EEF1AKMT2: variants seen among roughly 807,000 people sequenced by gnomAD.
EEF1AKMT2 encodes the protein EEF1A lysine methyltransferase 2.
Under a neutral mutation model 35.8 loss-of-function variants are expected in EEF1AKMT2, and 32 were observed. The observed-to-expected ratio is 0.89, with a 90% confidence interval of 0.67 to 1.20. The LOEUF (loss-of-function observed/expected upper bound fraction) is 1.20, where lower values mean the gene tolerates loss of function less well. Ranked by LOEUF, EEF1AKMT2 falls within the 50% of genes most tolerant of loss-of-function variation. The pLI is 0.00. For missense variants in EEF1AKMT2, 330 were observed against 347.5 expected, an observed-to-expected ratio of 0.95 and a Z score of 0.40; for synonymous variants, 121 against 133.7, an observed-to-expected ratio of 0.91 and a Z score of 0.65.
At chr10:124,791,316 T>A (rs913506541) in intron 1 of EEF1AKMT2, among the ~76,000 whole-genome samples, 1 of 151,076 alleles carries the variant, frequency 6.6e-6, no homozygotes, top group Non-Finnish European at 1.5e-5. Context: ...AGCTCCCACA[T>A]CCCTCCCCTC....
intron 1 of EEF1AKMT2, 134 bp downstream of exon 1, chr10:124,791,590 C>G: frequency 6.2e-6 from 8 of 1,292,744 alleles, no homozygotes; most frequent in Non-Finnish European, 8.4e-6. Context: ...AGCCCCCCGC[C>G]AGGTGGCCCT....
chr10:124,779,221 C>T (rs890236466), intron 3 of EEF1AKMT2, among the ~76,000 whole-genome samples: 3 of 152,120 alleles, frequency 2.0e-5, no homozygotes, highest in Non-Finnish European at 1.5e-5. Context: ...GCCTCAACCT[C>T]CCCAGGCTCA....
At chr10:124,764,366 T>C (rs1950359218) in intron 5 of EEF1AKMT2, among the ~76,000 whole-genome samples, 1 of 150,296 alleles carries the variant, frequency 6.7e-6, no homozygotes, top group South Asian at 2.1e-4. Context: ...CAAATATCTG[T>C]AGATTCTCAA....
chr10:124,788,710 T>TTATATATGTATATATATATATATATA (rs1950608685), intron 3 of EEF1AKMT2, among the ~76,000 whole-genome samples: 1 of 92,506 alleles, frequency 1.1e-5, no homozygotes, highest in Non-Finnish European at 2.4e-5. Flanking sequence ...AAGGTCATCT[T>TTATATATGTATATATATATATATATA]TATATATATA....
At chr10:124,783,300 G>A (rs182168617) in intron 3 of EEF1AKMT2, among the ~76,000 whole-genome samples, 12 of 151,726 alleles carry the variant, frequency 7.9e-5, no homozygotes, top group Non-Finnish European at 5.9e-5. Flanking sequence ...ACACCACCAC[G>A]TCTGGCTAAT....
At chr10:124,781,246 T>C (rs1232210301) in intron 3 of EEF1AKMT2, among the ~76,000 whole-genome samples, 1 of 151,282 alleles carries the variant, frequency 6.6e-6, no homozygotes, top group Non-Finnish European at 1.5e-5. Flanking sequence ...GCCCAGCCCA[T>C]AACATTTTTA....
chr10:124,760,276 A>G lies in EEF1AKMT2; in HGVS notation c.*227T>C, dbSNP rs1950319340. 1 of 502,168 alleles carries G rather than the reference A, an allele frequency of 2.0e-6. No homozygotes were observed. Among genetic ancestry groups the G allele is most frequent in the South Asian group, 4.3e-5 (1 of 23,182 alleles). The allele number at this position is 502,168 out of a possible 1,614,324, so 31.1% of individuals were successfully genotyped here. On this transcript the variant is annotated 3_prime_UTR_variant, in exon 7 of 7. Coordinates refer to ENST00000368836, the MANE Select transcript of EEF1AKMT2 (RefSeq NM_212554.4). ...TCATTATTATTATTTTCTTTCACCA[A>G]TCCAGTATACTCTATTCAACATGTG...
intron 3 of EEF1AKMT2, among the ~76,000 whole-genome samples, chr10:124,787,433 CAAAAAA>C (rs398015024): frequency 5.3e-5 from 2 of 37,434 alleles, no homozygotes; most frequent in African/African-American, 1.4e-4. Flanking sequence ...GACTCTGTCT[CAAAAAA>C]AAAAAAAAAA....
rs1045618430 is a variant in EEF1AKMT2, at chr10:124,791,791, CCGCCACCGCAG to C, written c.32_42del (p.Ala11GlyfsTer29). ...CCGGGACTGCCCTTGTCCGACCGCG[CCGCCACCGCAG>C]CGCCACCGCCGCCGTCAGCGCCCGA... On this transcript the variant is annotated frameshift_variant, in exon 1 of 7. Transcript: ENST00000368836. LOFTEE classifies it high-confidence loss of function. 12 of 1,591,858 alleles carry C rather than the reference CCGCCACCGCAG, an allele frequency of 7.5e-6. No individual in the cohort carries two copies. The highest frequency in any genetic ancestry group is 1.3e-5 in the African/African-American group (1 of 74,518).
chr10:124,770,623 T>C (rs906381941), intron 4 of EEF1AKMT2, among the ~76,000 whole-genome samples: 1 of 152,234 alleles, frequency 6.6e-6, no homozygotes, highest in African/African-American at 2.4e-5. Flanking sequence ...CGACTGATTC[T>C]TCCTTTTATG....
chr10:124,779,747 C>CAAAAAAAAAAA (rs34475748), intron 3 of EEF1AKMT2, among the ~76,000 whole-genome samples: 7 of 28,186 alleles, frequency 2.5e-4, no homozygotes, highest in Admixed American at 7.4e-4. Flanking sequence ...GACTCCATCT[C>CAAAAAAAAAAA]AAAAAAAAAA....
intron 3 of EEF1AKMT2, among the ~76,000 whole-genome samples, chr10:124,776,720 G>A (rs960578446): frequency 1.4e-4 from 21 of 151,794 alleles, no homozygotes; most frequent in Admixed American, 5.3e-4. Flanking sequence ...GCTTGAACCC[G>A]GGAGGTGGAG....
chr10:124,791,610 A>C, intron 1 of EEF1AKMT2, 114 bp downstream of exon 1: 3 of 1,454,058 alleles, frequency 2.1e-6, no homozygotes, highest in Non-Finnish European at 2.8e-6. Flanking sequence ...TGCTCCCGTC[A>C]CGCCCCCGAG....
Position 124,791,773 on chromosome 10 carries a change from T to C in EEF1AKMT2, c.61A>G (p.Ser21Gly), listed in dbSNP as rs1045477950. The change falls in exon 1 of 7, where the codon AGT becomes GGT. Residue 21 changes from serine to glycine, a missense_variant. By Grantham distance (56) the Ser-to-Gly change is moderately conservative (BLOSUM62 0). Transcript: ENST00000368836. Reference protein sequence around the residue: ...AAVAARSDKGSPGEDGFVPSA... With the variant: ...AAVAARSDKGGPGEDGFVPSA... ...GGGACGAAACCGTCCTCCCCGGGAC[T>C]GCCCTTGTCCGACCGCGCCGCCACC... 2.5e-6 allele frequency: 4 copies of C among 1,595,636 alleles called. No homozygotes were observed. The highest frequency in any genetic ancestry group is 2.7e-5 in the African/African-American group (2 of 74,638).
At chr10:124,775,380 T>C (rs1950479692) in intron 3 of EEF1AKMT2, among the ~76,000 whole-genome samples, 1 of 152,202 alleles carries the variant, frequency 6.6e-6, no homozygotes, top group Non-Finnish European at 1.5e-5. Flanking sequence ...TTTAACTCAA[T>C]GGACTTGAGA....
At position 124,791,837 on chromosome 10, in the gene EEF1AKMT2, G is replaced by C. The variant is rs370424079; in HGVS notation, c.-4C>G. On this transcript the variant is annotated 5_prime_UTR_variant, in exon 1 of 7. Transcript: ENST00000368836. Reference sequence around the variant, plus strand: ...CGCCGTCAGCGCCCGAGCTCATTTCGCTCCACGTCCTGGACGGCCGTTGGG... The same window carrying C: ...CGCCGTCAGCGCCCGAGCTCATTTCCCTCCACGTCCTGGACGGCCGTTGGG... 219 of 1,570,034 alleles carry C rather than the reference G, an allele frequency of 1.4e-4. No individual in the cohort carries two copies. Among genetic ancestry groups the C allele is most frequent in the Middle Eastern group, 1.4e-3 (8 of 5,842 alleles).
At chr10:124,761,029 G>A (rs1038180721) in intron 6 of EEF1AKMT2, among the ~76,000 whole-genome samples, 6 of 152,198 alleles carry the variant, frequency 3.9e-5, no homozygotes, top group East Asian at 1.9e-4. Flanking sequence ...CACCACACCC[G>A]GCTAATTTTT....
chr10:124,757,628 T>A (rs565651104), downstream of EEF1AKMT2, among the ~76,000 whole-genome samples: 1 of 151,950 alleles, frequency 6.6e-6, no homozygotes, highest in Non-Finnish European at 1.5e-5. Flanking sequence ...TACAGTATCA[T>A]AGAAATTTTA....
rs1360082471 is a variant in EEF1AKMT2, at chr10:124,787,543, A to T, written c.291+1500T>A. Among the ~76,000 whole-genome samples the T allele has an allele frequency of 2.0e-5, 3 of 151,984 alleles. No homozygotes were observed. The South Asian group carries it at 6.2e-4, about 32-fold the overall frequency. On this transcript the variant is annotated intron_variant, in intron 3 of 6. Transcript: ENST00000368836. ...GCAAATTAATCTGATGTTAAAACTC[A>T]TCTTTTGTTCATGATTGGTAGATAG...
Sources: gnomAD v4.1 joint callset for allele counts (sites outside exome capture counted in the v4.1 genomes callset) on GRCh38, gnomAD v4.1.1 for gene constraint, MANE v1.5 for transcripts, NCBI Gene and HGNC (gene_info 2026-07-23, HGNC 2026-07-21) for gene names.